Variants in EPHA6 observed in about 807,000 individuals in gnomAD.
The protein encoded by EPHA6 is EPH receptor A6.
A neutral mutation model predicts 112.0 loss-of-function variants in EPHA6; 50 were observed. That is an observed-to-expected ratio of 0.45 (90% CI 0.36 to 0.56). The LOEUF (loss-of-function observed/expected upper bound fraction) is 0.56, where lower values mean the gene tolerates loss of function less well. EPHA6 is among the 20% of genes least tolerant of loss of function. The pLI, the probability that EPHA6 is intolerant of heterozygous loss-of-function variation, is 0.00. For missense variants in EPHA6, 1,280 were observed against 1,417.4 expected, an observed-to-expected ratio of 0.90 and a Z score of 1.56; for synonymous variants, 529 against 490.7, an observed-to-expected ratio of 1.08 and a Z score of -1.03.
chr3:96,923,164 G>C (rs1352262491), intron 2 of EPHA6, among the ~76,000 whole-genome samples: 1 of 152,152 alleles, frequency 6.6e-6, no homozygotes, highest in Non-Finnish European at 1.5e-5. Context: ...CCAGTAATGG[G>C]ATTGCTGGAT....
At chr3:97,334,134 A>G (rs1416735455) in intron 5 of EPHA6, among the ~76,000 whole-genome samples, 1 of 152,082 alleles carries the variant, frequency 6.6e-6, no homozygotes, top group Non-Finnish European at 1.5e-5. Flanking sequence ...ACAGCTTTAT[A>G]TATATGGAAG....
At chr3:97,701,787 C>A (rs968141833) in intron 14 of EPHA6, among the ~76,000 whole-genome samples, 5 of 151,982 alleles carry the variant, frequency 3.3e-5, no homozygotes, top group African/African-American at 9.7e-5. Flanking sequence ...TATCTCTAAT[C>A]CTTTCTTTCT....
chr3:97,443,599 T>C (rs938287613), intron 6 of EPHA6, among the ~76,000 whole-genome samples: 4 of 152,106 alleles, frequency 2.6e-5, no homozygotes, highest in African/African-American at 9.7e-5. Flanking sequence ...TTGCCTCCTA[T>C]ATTACTTAAT....
In EPHA6 at chr3:97,758,872, T is replaced by C. The variant is rs992904079; in HGVS notation, c.*10171T>C. Among the ~76,000 whole-genome samples, 1 of 151,894 alleles carries C rather than the reference T, an allele frequency of 6.6e-6. No individual in the cohort carries two copies. Among genetic ancestry groups the C allele is most frequent in the Non-Finnish European group, 1.5e-5 (1 of 67,852 alleles). On this transcript the variant is annotated 3_prime_UTR_variant, in exon 18 of 18. Transcript: ENST00000389672. ...GAGTGTTGGAGAGTAGAGAACAGTGTTCTTGGTACACTGAAATGAGGCAAA... is the reference window on the plus strand; with the variant it reads ...GAGTGTTGGAGAGTAGAGAACAGTGCTCTTGGTACACTGAAATGAGGCAAA...
chr3:97,258,240 G>A (rs2079380348), intron 5 of EPHA6, among the ~76,000 whole-genome samples: 1 of 148,260 alleles, frequency 6.7e-6, no homozygotes, highest in African/African-American at 2.6e-5. Context: ...TTGTGTATGA[G>A]TATATATATA....
intron 2 of EPHA6, among the ~76,000 whole-genome samples, chr3:96,940,535 G>A (rs955938698): frequency 5.9e-5 from 9 of 152,072 alleles, no homozygotes; most frequent in Admixed American, 5.9e-4. Flanking sequence ...ACACTGATGG[G>A]TCTTGACTCT....
chr3:97,430,309 T>G (rs2089428284), intron 6 of EPHA6, among the ~76,000 whole-genome samples: 1 of 152,084 alleles, frequency 6.6e-6, no homozygotes, highest in African/African-American at 2.4e-5. Flanking sequence ...GAAAATAGAT[T>G]CAACAAACTA....
intron 5 of EPHA6, among the ~76,000 whole-genome samples, chr3:97,350,242 A>G (rs2083742852): frequency 1.3e-5 from 2 of 152,114 alleles, no homozygotes; most frequent in African/African-American, 4.8e-5. Context: ...AGAATGACAG[A>G]CTAGTATAAA....
intron 3 of EPHA6, among the ~76,000 whole-genome samples, chr3:97,043,756 T>C (rs76214839): frequency 0.024 from 3,587 of 152,246 alleles, 149 homozygotes; most frequent in African/African-American, 0.082. Context: ...TATTTTAAGA[T>C]CTATAGAGAT....
chr3:97,079,013 A>G (rs1394320177), intron 3 of EPHA6, among the ~76,000 whole-genome samples: 1 of 152,212 alleles, frequency 6.6e-6, no homozygotes, highest in Non-Finnish European at 1.5e-5. Flanking sequence ...ATTACTGGGT[A>G]TATACCCAAA....
intron 3 of EPHA6, among the ~76,000 whole-genome samples, chr3:97,131,470 T>A (rs2108327967): frequency 6.6e-6 from 1 of 152,256 alleles, no homozygotes; most frequent in African/African-American, 2.4e-5. Context: ...AGGAGTTATT[T>A]GGTGCCAGAT....
intron 2 of EPHA6, among the ~76,000 whole-genome samples, chr3:96,893,001 C>T (rs72933472): frequency 0.023 from 3,508 of 150,160 alleles, 140 homozygotes; most frequent in African/African-American, 0.081. Context: ...TGTGTGTGCG[C>T]GCGCAAAGTC....
intron 7 of EPHA6, among the ~76,000 whole-genome samples, chr3:97,470,725 CA>C (rs2091205197): frequency 2.6e-5 from 4 of 151,480 alleles, no homozygotes; most frequent in Admixed American, 6.6e-5. Flanking sequence ...CAACTTATGC[CA>C]AACGCTGTTG....
intron 1 of EPHA6, among the ~76,000 whole-genome samples, chr3:96,846,048 A>C (rs547166488): frequency 6.6e-6 from 1 of 152,182 alleles, no homozygotes; most frequent in South Asian, 2.1e-4. Context: ...GTGTTTTTCA[A>C]TATGCCTGTT....
At chr3:97,178,419 T>C (rs2076896435) in intron 3 of EPHA6, among the ~76,000 whole-genome samples, 1 of 152,140 alleles carries the variant, frequency 6.6e-6, no homozygotes, top group East Asian at 1.9e-4. Context: ...TCTTTGTTTT[T>C]CTGTGTACTT....
rs555532958 is a variant in EPHA6 at position 97,353,916 on chromosome 3, A to C, written c.1607-51234A>C. Among the ~76,000 whole-genome samples the C allele has an allele frequency of 2.0e-5, 3 of 152,302 alleles. No individual in the cohort carries two copies. In the East Asian group the frequency reaches 5.8e-4, roughly 29 times the overall value. ...TGTTACCCCTCCCCCAGATCCAGGC[A>C]GTTCAGCTCAGAGAGAGAGATTCCA... On this transcript the variant is annotated intron_variant, in intron 5 of 17. Coordinates refer to ENST00000389672, the MANE Select transcript of EPHA6 (RefSeq NM_001080448.3).
intron 3 of EPHA6, among the ~76,000 whole-genome samples, chr3:97,163,187 A>G (rs528829871): frequency 8.1e-4 from 124 of 152,192 alleles, no homozygotes; most frequent in Non-Finnish European, 1.6e-3. Context: ...ATTAAGACTT[A>G]AATGACAAAT....
At chr3:97,291,821 G>A (rs1012456932) in intron 5 of EPHA6, among the ~76,000 whole-genome samples, 1 of 152,158 alleles carries the variant, frequency 6.6e-6, no homozygotes, top group Non-Finnish European at 1.5e-5. Flanking sequence ...TTACATAAGT[G>A]TCATGGGATC....
At chr3:97,002,408 GTT>G (rs5851051) in intron 3 of EPHA6, among the ~76,000 whole-genome samples, 30 of 143,088 alleles carry the variant, frequency 2.1e-4, no homozygotes, top group South Asian at 4.3e-4. Context: ...CATGAGGGTT[GTT>G]TTTTTTTTTC....
Sources: allele counts gnomAD v4.1 joint callset (sites outside exome capture counted in the v4.1 genomes callset), GRCh38; gene constraint gnomAD v4.1.1; transcripts MANE v1.5; gene names NCBI Gene and HGNC (gene_info 2026-07-23, HGNC 2026-07-21).